CADPS2: variants seen among roughly 807,000 people sequenced by gnomAD.
The protein encoded by CADPS2 is calcium-dependent secretion activator 2.
CADPS2 carries 93 observed loss-of-function variants against 172.5 expected under a neutral mutation model. The ratio of observed to expected loss-of-function variants is 0.54; its 90% CI spans 0.46 to 0.64. The LOEUF is 0.64. Ranked by LOEUF, CADPS2 falls within the 30% of genes least tolerant of loss-of-function variation. CADPS2 has a pLI of 0.00. For missense variants in CADPS2, 1,420 were observed against 1,565.9 expected, an observed-to-expected ratio of 0.91 and a Z score of 1.57; for synonymous variants, 546 against 555.2, an observed-to-expected ratio of 0.98 and a Z score of 0.23.
At chr7:122,673,471 C>T (rs1020557836) in intron 2 of CADPS2, among the ~76,000 whole-genome samples, 2 of 152,070 alleles carry the variant, frequency 1.3e-5, no homozygotes, top group African/African-American at 4.8e-5. Context: ...TAGCTAGATA[C>T]AGAGTGCTGA....
intron 2 of CADPS2, among the ~76,000 whole-genome samples, chr7:122,696,481 C>T (rs2085108890): frequency 6.6e-6 from 1 of 151,780 alleles, no homozygotes; most frequent in Non-Finnish European, 1.5e-5. Context: ...ATTAGTGTCT[C>T]TCCTCCTTTA....
intron 5 of CADPS2, among the ~76,000 whole-genome samples, chr7:122,620,206 A>G (rs1454929170): frequency 1.3e-5 from 2 of 152,236 alleles, no homozygotes; most frequent in African/African-American, 4.8e-5. Flanking sequence ...AGCAGAGAGG[A>G]TAAAAAGAAT....
intron 6 of CADPS2, among the ~76,000 whole-genome samples, chr7:122,606,478 T>C (rs567323528): frequency 2.0e-5 from 3 of 152,250 alleles, no homozygotes; most frequent in East Asian, 1.9e-4. Context: ...GAAGTGACCA[T>C]GGAACTAGGG....
rs1431082772 is a variant in CADPS2 at position 122,701,969 on chromosome 7, C to T, written c.453+34986G>A. The T allele has an allele frequency of 1.9e-6, 3 of 1,613,668 alleles. No homozygotes were observed. The South Asian group carries it at 3.3e-5, about 18-fold the overall frequency. On this transcript the variant is annotated intron_variant, in intron 2 of 29. Coordinates refer to ENST00000449022, the MANE Select transcript of CADPS2 (RefSeq NM_017954.11). The stretch of plus-strand genomic sequence containing the variant: ...ATCTTGGGGTTTGTATGTGTCAAAG[C>T]AAACAACACAGTTGTCTTCATTTAG...
At chr7:122,649,898 ATTTTTTTT>A (rs71531909) in intron 3 of CADPS2, among the ~76,000 whole-genome samples, 668 of 52,026 alleles carry the variant, frequency 0.013, 4 homozygotes, top group Non-Finnish European at 0.016. Flanking sequence ...GTATTCAATG[ATTTTTTTT>A]TTTTTTTTTT....
intron 1 of CADPS2, among the ~76,000 whole-genome samples, chr7:122,787,878 T>C (rs1447359327): frequency 1.3e-5 from 2 of 152,192 alleles, no homozygotes; most frequent in African/African-American, 2.4e-5. Flanking sequence ...CCTCATTAAA[T>C]AGGCTCCCAA....
intron 1 of CADPS2, among the ~76,000 whole-genome samples, chr7:122,785,512 T>C (rs1371330401): frequency 6.6e-6 from 1 of 152,170 alleles, no homozygotes; most frequent in Non-Finnish European, 1.5e-5. Flanking sequence ...AATTTTGAAC[T>C]AGAGCCCTAA....
chr7:122,720,065 G>A (rs2090176975), intron 2 of CADPS2, among the ~76,000 whole-genome samples: 1 of 152,072 alleles, frequency 6.6e-6, no homozygotes, highest in Admixed American at 6.6e-5. Context: ...TAACTTTGGA[G>A]CACTGGACTA....
At chr7:122,648,019 G>A (rs1299702979) in intron 3 of CADPS2, among the ~76,000 whole-genome samples, 1 of 152,128 alleles carries the variant, frequency 6.6e-6, no homozygotes, top group African/African-American at 2.4e-5. Context: ...CATCCAAGGA[G>A]TCTGCCCTTA....
Position 122,474,038 on chromosome 7 carries a change from C to A in CADPS2, c.1998+343G>T, listed in dbSNP as rs144559314. Among the ~76,000 whole-genome samples, 4 of 150,636 alleles carry A rather than the reference C, an allele frequency of 2.7e-5. No individual in the cohort carries two copies. In the East Asian group the frequency reaches 8.0e-4, roughly 30 times the overall value. ...GAACTTCAACCTTAAAATGTCTGTA[C>A]GTCCTATAACAGAGGTTTTAAAAAA... On this transcript the variant is annotated intron_variant, in intron 13 of 29. Coordinates refer to ENST00000449022, the MANE Select transcript of CADPS2 (RefSeq NM_017954.11).
chr7:122,738,376 G>A (rs574266847), intron 1 of CADPS2, among the ~76,000 whole-genome samples: 39 of 151,888 alleles, frequency 2.6e-4, no homozygotes, highest in East Asian at 7.8e-4. Flanking sequence ...GAAATAAGGC[G>A]TCTTAGATCT....
chr7:122,616,973 T>C (rs1409766592), intron 5 of CADPS2, among the ~76,000 whole-genome samples: 2 of 152,218 alleles, frequency 1.3e-5, no homozygotes, highest in East Asian at 3.8e-4. Context: ...ATTTAAAATG[T>C]ATGAAACAAC....
intron 27 of CADPS2, among the ~76,000 whole-genome samples, chr7:122,352,883 G>A (rs1305047228): frequency 6.6e-6 from 1 of 152,208 alleles, no homozygotes; most frequent in African/African-American, 2.4e-5. Flanking sequence ...TCACTCTGTG[G>A]AAGGCAACTG....
intron 2 of CADPS2, among the ~76,000 whole-genome samples, chr7:122,666,325 C>A (rs2135445458): frequency 6.7e-6 from 1 of 150,210 alleles, no homozygotes; most frequent in Middle Eastern, 3.4e-3. Flanking sequence ...CTTTCCATTG[C>A]CCTACCTGTG....
intron 4 of CADPS2, among the ~76,000 whole-genome samples, chr7:122,624,283 G>A (rs981652157): frequency 6.6e-6 from 1 of 152,176 alleles, no homozygotes. Flanking sequence ...ACTCTTACAA[G>A]TCATGTGTTC....
intron 8 of CADPS2, among the ~76,000 whole-genome samples, chr7:122,518,612 T>A (rs2130961397): frequency 6.6e-6 from 1 of 152,184 alleles, no homozygotes; most frequent in East Asian, 1.9e-4. Flanking sequence ...CTAGCGGGTC[T>A]ATGCTGCAGC....
intron 14 of CADPS2, among the ~76,000 whole-genome samples, chr7:122,460,139 G>A (rs572116419): frequency 6.6e-6 from 1 of 151,970 alleles, no homozygotes; most frequent in African/African-American, 2.4e-5. Flanking sequence ...TTGCAGTATG[G>A]TGGACTAACT....
At chr7:122,424,192 T>C (rs779556728) in intron 17 of CADPS2, 52 of 302,632 alleles carry the variant, frequency 1.7e-4, no homozygotes, top group Non-Finnish European at 2.4e-4. Flanking sequence ...ATGGCTTCCT[T>C]TGGGACCAAC....
chr7:122,513,084 T>C (rs1272621772), intron 9 of CADPS2, among the ~76,000 whole-genome samples, 165 bp downstream of exon 9: 3 of 152,200 alleles, frequency 2.0e-5, no homozygotes, highest in Non-Finnish European at 2.9e-5. Flanking sequence ...TTATTTTACA[T>C]AAAAACTTTA....
Sources: allele counts gnomAD v4.1 joint callset (sites outside exome capture counted in the v4.1 genomes callset), GRCh38; gene constraint gnomAD v4.1.1; transcripts MANE v1.5; gene names NCBI Gene and HGNC (gene_info 2026-07-23, HGNC 2026-07-21).